The following COPS4 variants were observed in gnomAD, a reference collection of about 807,000 sequenced individuals.
COPS4 encodes the protein COP9 signalosome subunit 4.
Under a neutral mutation model 55.1 loss-of-function variants are expected in COPS4, and 8 were observed. The ratio of observed to expected loss-of-function variants is 0.15; its 90% CI spans 0.09 to 0.26. The LOEUF is 0.26. Ranked by LOEUF, COPS4 falls within the 10% of genes least tolerant of loss-of-function variation. COPS4 has a pLI of 1.00. For synonymous variants in COPS4, 185 were observed against 165.7 expected (o/e 1.12, Z -0.90); for missense variants, 248 against 484.0 (o/e 0.51, Z 4.58).
At position 83,075,655 on chromosome 4, in the gene COPS4, A is replaced by AG; in HGVS notation, c.*226dup. On this transcript the variant is annotated 3_prime_UTR_variant, in exon 10 of 10. Transcript: ENST00000264389. ...ATTAAGCTAACTCAGATGTTTTGAA[A>AG]GCTTTTTCTTTAAACAGAGGTGAAA... 2.5e-6 allele frequency: 1 copy of AG among 396,572 alleles called. No individual in the cohort carries two copies. Among genetic ancestry groups the AG allele is most frequent in the Admixed American group, 4.4e-5 (1 of 22,674 alleles). The allele number at this position is 396,572 out of a possible 1,614,324, so 24.6% of individuals were successfully genotyped here.
Position 83,042,939 on chromosome 4 carries a change from G to A in COPS4, c.75-2687G>A, listed in dbSNP as rs188069738. 3.4e-5 allele frequency among the ~76,000 whole-genome samples: 5 copies of A among 146,668 alleles called. No individual in the cohort carries two copies. The East Asian group carries it at 1.0e-3, about 29-fold the overall frequency. Reference sequence around the variant, plus strand: ...ATTTTTTTTTTTTTTTTGTAGAGATGAGGTTTCACCACATTGCCCAGGCTG... The same window carrying A: ...ATTTTTTTTTTTTTTTTGTAGAGATAAGGTTTCACCACATTGCCCAGGCTG... On this transcript the variant is annotated intron_variant, in intron 1 of 9. Coordinates refer to ENST00000264389, the MANE Select transcript of COPS4 (RefSeq NM_016129.3).
At chr4:83,061,509 A>G (rs560936717) in intron 6 of COPS4, among the ~76,000 whole-genome samples, 3 of 152,172 alleles carry the variant, frequency 2.0e-5, no homozygotes, top group Admixed American at 2.0e-4. Context: ...TACTTTCTTC[A>G]TTTTCCTTGT....
At chr4:83,067,123 A>G (rs555371330) in intron 8 of COPS4, among the ~76,000 whole-genome samples, 10 of 151,828 alleles carry the variant, frequency 6.6e-5, no homozygotes, top group Admixed American at 3.3e-4. Context: ...GCTGGAGTGC[A>G]GTAGCGTGAT....
intron 6 of COPS4, among the ~76,000 whole-genome samples, chr4:83,059,747 A>G: frequency 6.6e-6 from 1 of 151,454 alleles, no homozygotes; most frequent in East Asian, 1.9e-4. Flanking sequence ...CCCAGGCTGG[A>G]GTGCAGTGGC....
intron 4 of COPS4, among the ~76,000 whole-genome samples, chr4:83,051,071 G>A (rs1730875260): frequency 6.7e-6 from 1 of 149,550 alleles, no homozygotes; most frequent in African/African-American, 2.5e-5. Flanking sequence ...GAACCACTTG[G>A]GCAGCATAGC....
chr4:83,060,773 G>C, intron 6 of COPS4, among the ~76,000 whole-genome samples: 1 of 151,152 alleles, frequency 6.6e-6, no homozygotes, highest in African/African-American at 2.4e-5. Flanking sequence ...GGTGGCTCAC[G>C]CCTGTAATCC....
At chr4:83,056,330 T>C (rs1731012634) in intron 4 of COPS4, among the ~76,000 whole-genome samples, 1 of 152,198 alleles carries the variant, frequency 6.6e-6, no homozygotes, top group Non-Finnish European at 1.5e-5. Context: ...CCCAGTTATT[T>C]TCTAGGAAGG....
chr4:83,042,950 A>G (rs1010105208), intron 1 of COPS4, among the ~76,000 whole-genome samples: 3 of 143,910 alleles, frequency 2.1e-5, no homozygotes, highest in Non-Finnish European at 3.0e-5. Flanking sequence ...AGGTTTCACC[A>G]CATTGCCCAG....
chr4:83,051,867 AG>A (rs1730896613), intron 4 of COPS4, among the ~76,000 whole-genome samples: 1 of 152,210 alleles, frequency 6.6e-6, no homozygotes, highest in Non-Finnish European at 1.5e-5. Flanking sequence ...GGTTGGGACC[AG>A]GGGAAGATGT....
intron 1 of COPS4, among the ~76,000 whole-genome samples, chr4:83,043,518 CAAAAAAAAAAAA>C (rs34480105): frequency 2.8e-4 from 5 of 17,682 alleles, no homozygotes; most frequent in Admixed American, 8.8e-4. Context: ...GACCCTGTCT[CAAAAAAAAAAAA>C]AAAAAAAAAA....
chr4:83,051,170 G>T (rs990858426), intron 4 of COPS4, among the ~76,000 whole-genome samples: 1 of 15,822 alleles, frequency 6.3e-5, no homozygotes, highest in African/African-American at 2.9e-4. Context: ...AGGCTGAGGC[G>T]GGAGGATCGC....
intron 1 of COPS4, among the ~76,000 whole-genome samples, chr4:83,039,078 AAC>A (rs1264799702): frequency 6.6e-6 from 1 of 152,186 alleles, no homozygotes; most frequent in African/African-American, 2.4e-5. Context: ...GGCTTAAAAC[AAC>A]AGTCACTTAT....
At chr4:83,073,276 C>A in intron 9 of COPS4, 1 of 699,836 alleles carries the variant, frequency 1.4e-6, no homozygotes, top group South Asian at 1.5e-5. Context: ...TAAATGGAAT[C>A]ATACAATATG....
chr4:83,064,932 C>A, intron 7 of COPS4: 1 of 170,772 alleles, frequency 5.9e-6, no homozygotes, highest in Non-Finnish European at 1.1e-5. Context: ...CTCTTTTGCC[C>A]AGGCTGGCGC....
rs573538279 is a variant in COPS4, at chr4:83,057,532, T to C, written c.715+124T>C. ...AAAGGATGTCTTCATAATACAGTTA[T>C]GGTAAATGTAGTTTAAGTGTTTAAA... On this transcript the variant is annotated intron_variant, in intron 6 of 9. Transcript: ENST00000264389. The C allele has an allele frequency of 2.5e-5, 17 of 682,292 alleles. No homozygotes were observed. In the East Asian group the frequency reaches 3.9e-4, roughly 16 times the overall value. The allele number at this position is 682,292 out of a possible 1,614,324, so 42.3% of individuals were successfully genotyped here.
At chr4:83,065,187 C>A in intron 7 of COPS4, 1 of 463,136 alleles carries the variant, frequency 2.2e-6, no homozygotes, top group South Asian at 4.1e-5. Context: ...CTTTTTTGAA[C>A]ATATTAAATT....
intron 7 of COPS4, among the ~76,000 whole-genome samples, chr4:83,064,306 C>T (rs965102413): frequency 2.0e-5 from 3 of 152,124 alleles, no homozygotes; most frequent in East Asian, 1.9e-4. Flanking sequence ...CACTGCACTG[C>T]GGTTTCAGTG....
intron 9 of COPS4, among the ~76,000 whole-genome samples, chr4:83,070,034 T>C (rs528571373): frequency 6.6e-6 from 1 of 152,360 alleles, no homozygotes; most frequent in East Asian, 1.9e-4. Flanking sequence ...AAATCTCATC[T>C]TGACTTTTCA....
chr4:83,063,235 C>G lies in COPS4; in HGVS notation c.875C>G (p.Thr292Ser), dbSNP rs1441796944. Residue 292 changes from threonine to serine, a missense_variant, in exon 7 of 10, where the codon ACT becomes AGT. Thr to Ser is a moderately conservative substitution (Grantham distance 58). Coordinates refer to ENST00000264389, the MANE Select transcript of COPS4 (RefSeq NM_016129.3). ...AAMLMPHQKA[T>S]TADGSSILDR... ...ATGCTGATGCCTCACCAAAAAGCAA[C>G]TACAGCTGATGGTAATGATCCTGTC... 2 of 1,612,858 alleles carry G rather than the reference C, an allele frequency of 1.2e-6. No homozygotes were observed. Among genetic ancestry groups the G allele is most frequent in the Non-Finnish European group, 8.5e-7 (1 of 1,179,584 alleles).
Sources: gnomAD v4.1 joint callset for allele counts (sites outside exome capture counted in the v4.1 genomes callset) on GRCh38, gnomAD v4.1.1 for gene constraint, MANE v1.5 for transcripts, NCBI Gene and HGNC (gene_info 2026-07-23, HGNC 2026-07-21) for gene names.